Variants in PAK2 observed in about 807,000 individuals in gnomAD.
PAK2 encodes serine/threonine-protein kinase PAK 2.
Under a neutral mutation model 65.9 loss-of-function variants are expected in PAK2, and 21 were observed. The observed-to-expected ratio is 0.32, with a 90% CI of 0.23 to 0.46. The LOEUF is 0.46. Ranked by LOEUF, PAK2 falls within the 20% of genes least tolerant of loss-of-function variation. The probability of loss-of-function intolerance (pLI) is 1.00; values close to 1 mark genes in which losing one functional copy is unlikely to be tolerated. For missense variants in PAK2, 324 were observed against 642.6 expected, an observed-to-expected ratio of 0.50 and a Z score of 5.36; for synonymous variants, 204 against 219.7, an observed-to-expected ratio of 0.93 and a Z score of 0.63.
chr3:196,742,032 G>A (rs1172528166), intron 1 of PAK2, among the ~76,000 whole-genome samples: 4 of 151,992 alleles, frequency 2.6e-5, no homozygotes, highest in Non-Finnish European at 5.9e-5. Context: ...GAGTATACAG[G>A]CGATAGGGCT....
intron 1 of PAK2, among the ~76,000 whole-genome samples, chr3:196,746,271 T>G (rs1047383086): frequency 1.1e-4 from 16 of 152,232 alleles, no homozygotes; most frequent in Non-Finnish European, 2.4e-4. Context: ...GAAAGATTAT[T>G]ATTTTATTCT....
At chr3:196,768,222 C>T (rs1714237946) in intron 1 of PAK2, among the ~76,000 whole-genome samples, 1 of 152,002 alleles carries the variant, frequency 6.6e-6, no homozygotes, top group Non-Finnish European at 1.5e-5. Context: ...TCATTGAATG[C>T]CAGCAGAACT....
In PAK2 at chr3:196,827,303, A is replaced by T. The variant is rs1711910531; in HGVS notation, c.1458A>T (p.Glu486Asp). The change falls in exon 14 of 15, where the codon GAA (glutamate) becomes GAT (aspartate). Residue 486 changes from glutamate (E) to aspartate (D), a missense_variant. By Grantham distance (45) the Glu-to-Asp change is conservative. Transcript: ENST00000327134. Reference protein sequence around the residue: ...FLNRCLEMDVEKRGSAKELLQ... With the variant: ...FLNRCLEMDVDKRGSAKELLQ... ...ATCGATGTTTGGAAATGGATGTGGA[A>T]AAAAGGGGTTCAGCCAAAGAATTAT... is the stretch of plus-strand genomic sequence containing the variant. 1 of 1,611,886 alleles carries T rather than the reference A, an allele frequency of 6.2e-7. No homozygotes were observed. Among genetic ancestry groups the T allele is most frequent in the Non-Finnish European group, 8.5e-7 (1 of 1,179,142 alleles).
rs775058686 is a variant in PAK2 at position 196,803,012 on chromosome 3, G to A, written c.289-5G>A. 6.5e-7 allele frequency: 1 copy of A among 1,546,004 alleles called. No homozygotes were observed. Among genetic ancestry groups the A allele is most frequent in the Admixed American group, 2.2e-5 (1 of 44,990 alleles). ...ATAACTAATTTCTGAATATCTTCTT[G>A]TTAGGGCATGCCAGAACAGTGGGCT... On this transcript the variant is annotated splice_region_variant and splice_polypyrimidine_tract_variant and intron_variant, in intron 3 of 14. Transcript: ENST00000327134.
intron 4 of PAK2, among the ~76,000 whole-genome samples, chr3:196,803,681 T>G (rs1715488629): frequency 6.6e-6 from 1 of 152,204 alleles, no homozygotes; most frequent in African/African-American, 2.4e-5. Context: ...GCGTTAGAAC[T>G]AAAAGGATTT....
intron 1 of PAK2, among the ~76,000 whole-genome samples, chr3:196,745,282 A>ATTTTTTTTTTTTTTTTTTTTTTTTTT (rs34194625): frequency 1.1e-5 from 1 of 92,774 alleles, no homozygotes; most frequent in Non-Finnish European, 2.1e-5. Flanking sequence ...CACCCAACTG[A>ATTTTTTTTTTTTTTTTTTTTTTTTTT]TTTTTTTTTT....
In PAK2 at chr3:196,744,145, G is replaced by T. The variant is rs79484481; in HGVS notation, c.-22+3988G>T. Reference sequence around the variant, plus strand: ...TGTAGTCCTAGCTACTTGGGAGGCTGAGGATCCTTTGAGTCCAGGAATTTG... The same window carrying T: ...TGTAGTCCTAGCTACTTGGGAGGCTTAGGATCCTTTGAGTCCAGGAATTTG... On this transcript the variant is annotated intron_variant, in intron 1 of 14. Transcript: ENST00000327134. 4.2e-3 allele frequency among the ~76,000 whole-genome samples: 643 copies of T among 152,274 alleles called. 4 individuals carry two copies. Among genetic ancestry groups the T allele is most frequent in the African/African-American group, 0.015 (629 of 41,546 alleles).
Position 196,775,670 on chromosome 3 carries a change from C to A in PAK2, c.-21-6956C>A, listed in dbSNP as rs557523962. 2.4e-4 allele frequency among the ~76,000 whole-genome samples: 36 copies of A among 152,148 alleles called. No homozygotes were observed. In the South Asian group the frequency reaches 7.3e-3, roughly 31 times the overall value. Reference sequence around the variant, plus strand: ...TGCTGAGATTACAGGCGTGAGCCACCGAAGGATAACCAAAATGTAAGGAAA... The same window carrying A: ...TGCTGAGATTACAGGCGTGAGCCACAGAAGGATAACCAAAATGTAAGGAAA... On this transcript the variant is annotated intron_variant, in intron 1 of 14. Transcript: ENST00000327134.
At chr3:196,755,066 T>C (rs1713724146) in intron 1 of PAK2, among the ~76,000 whole-genome samples, 1 of 152,210 alleles carries the variant, frequency 6.6e-6, no homozygotes, top group Admixed American at 6.5e-5. Flanking sequence ...TTAAAGCTAA[T>C]TGAAATCCTT....
Position 196,811,209 on chromosome 3 carries a change from T to A in PAK2, c.773+556T>A. Among the ~76,000 whole-genome samples the A allele has an allele frequency of 4.6e-5, 2 of 43,812 alleles. 1 individual carries two copies. Among genetic ancestry groups the A allele is most frequent in the Non-Finnish European group, 8.6e-5 (2 of 23,206 alleles). 28.7% of individuals were successfully genotyped at this position (43,812 alleles called of 152,430 possible). ...CATATGAATTCCTTCCTCCCTTCCT[T>A]CCCTTCCCTCCCTCCCTTCCCTTCC... On this transcript the variant is annotated intron_variant, in intron 8 of 14. Coordinates refer to ENST00000327134, the MANE Select transcript of PAK2 (RefSeq NM_002577.4).
chr3:196,793,548 A>C (rs1022505549), intron 2 of PAK2, among the ~76,000 whole-genome samples: 10 of 152,216 alleles, frequency 6.6e-5, no homozygotes, highest in Non-Finnish European at 1.5e-4. Context: ...GACATTTATG[A>C]AAAACCCTTT....
chr3:196,775,454 C>G (rs1163239422), intron 1 of PAK2, among the ~76,000 whole-genome samples: 1 of 152,018 alleles, frequency 6.6e-6, no homozygotes, highest in Non-Finnish European at 1.5e-5. Context: ...ACGATCTCGG[C>G]TCACTGCAAG....
chr3:196,788,530 T>C (rs138821351), intron 2 of PAK2, among the ~76,000 whole-genome samples: 1 of 152,282 alleles, frequency 6.6e-6, no homozygotes, highest in Non-Finnish European at 1.5e-5. Flanking sequence ...TTTCCATGCT[T>C]GCTAATGTGT....
At chr3:196,818,218 A>G in intron 12 of PAK2, 62 bp downstream of exon 12, 2 of 723,120 alleles carry the variant, frequency 2.8e-6, no homozygotes, top group African/African-American at 1.8e-5. Context: ...TGTTTAATTA[A>G]AAACTTTTCT....
At chr3:196,803,251 A>AAAC (rs1577732845) in intron 4 of PAK2, 87 bp downstream of exon 4, 1 of 1,077,090 alleles carries the variant, frequency 9.3e-7, no homozygotes, top group East Asian at 2.5e-5. Context: ...ATGAAAAGCT[A>AAAC]AACTATGGTT....
intron 2 of PAK2, among the ~76,000 whole-genome samples, chr3:196,788,357 C>T (rs1714964321): frequency 6.6e-6 from 1 of 152,080 alleles, no homozygotes; most frequent in Admixed American, 6.6e-5. Context: ...TCCCTTACTG[C>T]TTTCCTTACT....
chr3:196,765,435 C>T (rs1577706597), intron 1 of PAK2, among the ~76,000 whole-genome samples: 1 of 152,276 alleles, frequency 6.6e-6, no homozygotes, highest in African/African-American at 2.4e-5. Flanking sequence ...AGGTGCGAGC[C>T]ACCGCATCCA....
intron 11 of PAK2, among the ~76,000 whole-genome samples, chr3:196,815,697 G>T (rs1716001542): frequency 6.6e-6 from 1 of 151,684 alleles, no homozygotes; most frequent in Admixed American, 6.6e-5. Context: ...TGAGACGGGA[G>T]ATTAGCTTGA....
chr3:196,759,108 A>AG (rs1713858999), intron 1 of PAK2, among the ~76,000 whole-genome samples: 1 of 152,218 alleles, frequency 6.6e-6, no homozygotes, highest in Admixed American at 6.5e-5. Context: ...CATAGAAGGT[A>AG]GGAGGCATGG....
Sources: allele counts gnomAD v4.1 joint callset (sites outside exome capture counted in the v4.1 genomes callset), GRCh38; gene constraint gnomAD v4.1.1; transcripts MANE v1.5; gene names NCBI Gene and HGNC (gene_info 2026-07-23, HGNC 2026-07-21).